LRIG1: variants seen among roughly 807,000 people sequenced by gnomAD.
LRIG1 encodes leucine rich repeats and immunoglobulin like domains 1.
LRIG1 carries 48 observed loss-of-function variants against 99.2 expected under a neutral mutation model. That is an observed-to-expected ratio of 0.48 (90% CI 0.38 to 0.62). The LOEUF (loss-of-function observed/expected upper bound fraction) is 0.62. LRIG1 is among the 20% of genes least tolerant of loss of function. LRIG1 has a pLI of 0.00. For missense variants in LRIG1, 1,646 were observed against 1,434.4 expected (o/e 1.15, Z -2.38); for synonymous variants, 772 against 596.1 (o/e 1.29, Z -4.30).
At chr3:66,425,452 T>G (rs1222354794) in intron 3 of LRIG1, among the ~76,000 whole-genome samples, 3 of 152,216 alleles carry the variant, frequency 2.0e-5, no homozygotes, top group Non-Finnish European at 4.4e-5. Flanking sequence ...CTTTGAATGT[T>G]CTGGATGGAA....
chr3:66,438,815 C>T (rs2106769265), intron 3 of LRIG1, among the ~76,000 whole-genome samples: 1 of 152,322 alleles, frequency 6.6e-6, no homozygotes, highest in South Asian at 2.1e-4. Flanking sequence ...TGTGAGAGGC[C>T]ACCTGGTCCT....
At chr3:66,394,521 A>G (rs982751463) in intron 11 of LRIG1, among the ~76,000 whole-genome samples, 3 of 152,206 alleles carry the variant, frequency 2.0e-5, no homozygotes, top group African/African-American at 7.2e-5. Context: ...CGTGGAGCTT[A>G]TCCATGCCAT....
chr3:66,429,520 C>T (rs1011273538), intron 3 of LRIG1, among the ~76,000 whole-genome samples: 1 of 152,142 alleles, frequency 6.6e-6, no homozygotes. Context: ...CTGAGAAAGG[C>T]AAAACTATGG....
At chr3:66,414,402 AT>A (rs764142664) in intron 5 of LRIG1, among the ~76,000 whole-genome samples, 104 of 151,214 alleles carry the variant, frequency 6.9e-4, no homozygotes, top group African/African-American at 2.2e-3. Context: ...GCAAAAAAAA[AT>A]AATAATAAAT....
chr3:66,405,161 G>A (rs752258124), intron 9 of LRIG1, 37 bp downstream of exon 9: 21 of 1,579,838 alleles, frequency 1.3e-5, no homozygotes, highest in African/African-American at 4.0e-5. Context: ...TGTGTCCCGC[G>A]CATTTGCCGG....
intron 11 of LRIG1, among the ~76,000 whole-genome samples, chr3:66,395,743 TG>T (rs1701824004): frequency 6.6e-6 from 1 of 151,924 alleles, no homozygotes; most frequent in South Asian, 2.1e-4. Flanking sequence ...TCCCATGCAG[TG>T]TTTGGGGAGG....
intron 2 of LRIG1, among the ~76,000 whole-genome samples, chr3:66,459,043 T>C (rs1700296623): frequency 6.6e-6 from 1 of 151,878 alleles, no homozygotes; most frequent in African/African-American, 2.4e-5. Flanking sequence ...TAATGTTTTA[T>C]ATCACAGAGT....
At chr3:66,402,720 C>T (rs148386366) in intron 9 of LRIG1, among the ~76,000 whole-genome samples, 2 of 152,300 alleles carry the variant, frequency 1.3e-5, no homozygotes, top group African/African-American at 4.8e-5. Flanking sequence ...GACGGATCAG[C>T]TGCTCTAGAG....
chr3:66,391,017 G>A (rs1701594809), intron 12 of LRIG1, among the ~76,000 whole-genome samples: 1 of 135,294 alleles, frequency 7.4e-6, no homozygotes, highest in African/African-American at 3.1e-5. Context: ...TTTTTCCAAA[G>A]AAGATATATA....
Position 66,380,813 on chromosome 3 carries a change from C to G in LRIG1, c.2819G>C (p.Cys940Ser), listed in dbSNP as rs140556934. 5.4e-5 allele frequency: 87 copies of G among 1,614,240 alleles called. No homozygotes were observed. The highest frequency in any genetic ancestry group is 2.5e-4 in the East Asian group (11 of 44,878). The change falls in exon 18 of 19, where the codon TGT becomes TCT. Residue 940 changes from cysteine (C) to serine (S), a missense_variant. Coordinates refer to ENST00000273261, the MANE Select transcript of LRIG1 (RefSeq NM_015541.3). Reference protein sequence around the residue: ...VCSDCNTEVDCYSRGQAFHPQ... With the variant: ...VCSDCNTEVDSYSRGQAFHPQ... Reference sequence around the variant, plus strand: ...GTGGAAGGCTTGTCCCCTGGAGTAACAGTCCACTTCGGTGTTGCAGTCACT... The same window carrying G: ...GTGGAAGGCTTGTCCCCTGGAGTAAGAGTCCACTTCGGTGTTGCAGTCACT...
At chr3:66,385,950 T>C in intron 13 of LRIG1, 31 bp downstream of exon 13, 2 of 1,587,278 alleles carry the variant, frequency 1.3e-6, no homozygotes, top group East Asian at 2.2e-5. Flanking sequence ...TGTAGGATTC[T>C]GGTACTATAA....
At chr3:66,387,345 C>G (rs769468715) in intron 12 of LRIG1, 2 of 152,082 alleles carry the variant, frequency 1.3e-5, no homozygotes, top group Non-Finnish European at 2.9e-5. Context: ...CATTTGTCAC[C>G]TGTGGCTGAG....
intron 2 of LRIG1, among the ~76,000 whole-genome samples, chr3:66,452,185 A>G (rs952617425): frequency 5.9e-5 from 9 of 152,344 alleles, no homozygotes; most frequent in African/African-American, 2.2e-4. Flanking sequence ...ACTCTGATGA[A>G]GCCTCTGGAT....
chr3:66,464,723 T>C (rs1575711669), intron 1 of LRIG1, among the ~76,000 whole-genome samples: 4 of 152,132 alleles, frequency 2.6e-5, no homozygotes, highest in South Asian at 4.1e-4. Flanking sequence ...CTATCTGAAA[T>C]GAGATAACTT....
In LRIG1 at chr3:66,484,292, C is replaced by T. The variant is rs181202163; in HGVS notation, c.218+15898G>A. On this transcript the variant is annotated intron_variant, in intron 1 of 18. Transcript: ENST00000273261. ...TCTCTATCTACACTGGTATCTGTCA[C>T]GAGCATTTAATGTGTCACAGGCTTC... is the stretch of plus-strand genomic sequence containing the variant. Among the ~76,000 whole-genome samples, 14 of 152,242 alleles carry T rather than the reference C, an allele frequency of 9.2e-5. No homozygotes were observed. In the East Asian group the frequency reaches 1.5e-3, roughly 17 times the overall value.
At chr3:66,493,978 G>A (rs1701170453) in intron 1 of LRIG1, among the ~76,000 whole-genome samples, 2 of 141,154 alleles carry the variant, frequency 1.4e-5, no homozygotes, top group Non-Finnish European at 3.1e-5. Context: ...AAAAGAAAGA[G>A]AAAAAGAGAA....
chr3:66,393,322 T>C (rs778547074), intron 12 of LRIG1, among the ~76,000 whole-genome samples: 1 of 152,252 alleles, frequency 6.6e-6, no homozygotes, highest in Non-Finnish European at 1.5e-5. Context: ...CTCTTGCTCC[T>C]GCTTAGAGCA....
chr3:66,394,670 T>A (rs925034227), intron 11 of LRIG1, among the ~76,000 whole-genome samples: 2 of 152,066 alleles, frequency 1.3e-5, no homozygotes, highest in East Asian at 3.8e-4. Context: ...ACTTGGAGCT[T>A]CCAAACTCGG....
chr3:66,489,054 G>A (rs1294978842), intron 1 of LRIG1, among the ~76,000 whole-genome samples: 1 of 152,156 alleles, frequency 6.6e-6, no homozygotes, highest in Non-Finnish European at 1.5e-5. Context: ...TTTTCTTTGG[G>A]CCAGAGGGGA....
Sources: allele counts gnomAD v4.1 joint callset (sites outside exome capture counted in the v4.1 genomes callset), GRCh38; gene constraint gnomAD v4.1.1; transcripts MANE v1.5; gene names NCBI Gene and HGNC (gene_info 2026-07-23, HGNC 2026-07-21).